Variants in GYS2 observed in about 807,000 individuals in gnomAD.
GYS2 encodes the protein glycogen [starch] synthase, liver.
GYS2 carries 80 observed loss-of-function variants against 85.6 expected under a neutral mutation model. That is an observed-to-expected ratio of 0.93 (90% CI 0.78 to 1.13). The LOEUF (loss-of-function observed/expected upper bound fraction) is 1.13. Ranked by LOEUF, GYS2 falls within the 50% of genes most tolerant of loss-of-function variation. The pLI, the probability that GYS2 is intolerant of heterozygous loss-of-function variation, is 0.00. For synonymous variants in GYS2, 328 were observed against 300.7 expected (o/e 1.09, Z -0.94); for missense variants, 881 against 854.9 (o/e 1.03, Z -0.38).
At chr12:21,589,902 C>T (rs886204545) in intron 1 of GYS2, among the ~76,000 whole-genome samples, 1 of 152,136 alleles carries the variant, frequency 6.6e-6, no homozygotes, top group Non-Finnish European at 1.5e-5. Flanking sequence ...GTTCCTCAGA[C>T]CCCAACATCA....
chr12:21,604,588 A>G lies in GYS2; in HGVS notation c.5T>C (p.Leu2Pro). Reference protein sequence around the residue: MLRGRSLSVTSL... With the variant: MPRGRSLSVTSL... Reference sequence around the variant, plus strand: ...TGTTACAGAGAGGGATCGGCCTCGAAGCATTCTTCTTACAGTCCTCCGAGA... The same window carrying G: ...TGTTACAGAGAGGGATCGGCCTCGAGGCATTCTTCTTACAGTCCTCCGAGA... Residue 2 changes from leucine to proline, a missense_variant, in exon 1 of 16, where the codon CTT (leucine) becomes CCT (proline). Physicochemically the swap from Leu to Pro is moderately conservative, Grantham distance 98. Coordinates refer to ENST00000261195, the MANE Select transcript of GYS2 (RefSeq NM_021957.4). The G allele has an allele frequency of 6.2e-7, 1 of 1,612,644 alleles. No individual in the cohort carries two copies. The highest frequency in any genetic ancestry group is 1.3e-5 in the African/African-American group (1 of 74,996).
chr12:21,565,222 A>G, intron 5 of GYS2, among the ~76,000 whole-genome samples: 1 of 151,574 alleles, frequency 6.6e-6, no homozygotes. Context: ...TTTAACAAAG[A>G]GTACTCCAGG....
In GYS2 at chr12:21,541,291, AC is replaced by A. The variant is rs1334431437; in HGVS notation, c.1646-719del. 3.0e-3 allele frequency among the ~76,000 whole-genome samples: 407 copies of A among 135,246 alleles called. 44 individuals are homozygous for A. Among genetic ancestry groups the A allele is most frequent in the Non-Finnish European group, 5.0e-3 (314 of 62,446 alleles). The allele number at this position is 135,246 out of a possible 152,430, so 88.7% of individuals were successfully genotyped here. A position where few individuals can be genotyped will look rare whatever the true frequency, so the allele number is the denominator to read the frequency against. On this transcript the variant is annotated intron_variant, in intron 13 of 15. Transcript: ENST00000261195. ...TCCAAAAAAAAAAAAAAAAAAAAAAACAAAAAACCCAGGGAAATGGCAATGT... is the reference window on the plus strand; with the variant it reads ...TCCAAAAAAAAAAAAAAAAAAAAAAAAAAAAACCCAGGGAAATGGCAATGT...
intron 2 of GYS2, among the ~76,000 whole-genome samples, chr12:21,576,844 A>T (rs10770838): frequency 0.44 from 66,399 of 151,844 alleles, 15,052 homozygotes; most frequent in Middle Eastern, 0.59. Flanking sequence ...CTTAATTTTC[A>T]TTTTATGTTT....
chr12:21,571,596 T>C (rs1944385807), intron 4 of GYS2, among the ~76,000 whole-genome samples: 1 of 152,108 alleles, frequency 6.6e-6, no homozygotes, highest in Non-Finnish European at 1.5e-5. Flanking sequence ...TAATTGTCCA[T>C]GGCTTCCTTC....
At chr12:21,539,005 C>A (rs528983771) in intron 15 of GYS2, among the ~76,000 whole-genome samples, 1 of 152,054 alleles carries the variant, frequency 6.6e-6, no homozygotes, top group East Asian at 1.9e-4. Context: ...GAATAAATGT[C>A]CATCAGAACC....
intron 11 of GYS2, among the ~76,000 whole-genome samples, chr12:21,557,046 G>GA (rs1944188645): frequency 6.6e-6 from 1 of 152,124 alleles, no homozygotes; most frequent in Non-Finnish European, 1.5e-5. Context: ...GAACCTGAAG[G>GA]AAAAAATGTA....
At chr12:21,570,086 T>C (rs972236979) in intron 4 of GYS2, among the ~76,000 whole-genome samples, 1 of 152,058 alleles carries the variant, frequency 6.6e-6, no homozygotes, top group African/African-American at 2.4e-5. Context: ...TAGAGAAAAA[T>C]ACTAAAAAGA....
chr12:21,573,166 C>T (rs909736475), intron 4 of GYS2, among the ~76,000 whole-genome samples: 2 of 152,144 alleles, frequency 1.3e-5, no homozygotes, highest in African/African-American at 4.8e-5. Context: ...AACGTTCTTG[C>T]GCTCTAAGTG....
At chr12:21,579,349 CTTTT>C (rs58750123) in intron 2 of GYS2, among the ~76,000 whole-genome samples, 7 of 88,682 alleles carry the variant, frequency 7.9e-5, no homozygotes, top group Admixed American at 2.6e-4. Context: ...CTTACTTCTT[CTTTT>C]TTTTTTTTTT....
At position 21,563,219 on chromosome 12, in the gene GYS2, A is replaced by C. The variant is rs2136882887; in HGVS notation, c.941+9T>G. 6.6e-7 allele frequency: 1 copy of C among 1,504,962 alleles called. No individual in the cohort carries two copies. The highest frequency in any genetic ancestry group is 1.7e-4 in the Middle Eastern group (1 of 5,846). 93.2% of individuals were successfully genotyped at this position (1,504,962 alleles called of 1,614,324 possible). A position where few individuals can be genotyped will look rare whatever the true frequency, so the allele number is the denominator to read the frequency against. On this transcript the variant is annotated intron_variant, in intron 6 of 15. Transcript: ENST00000261195. The stretch of plus-strand genomic sequence containing the variant: ...TACTTCTTTTTCTTTTTAATAAAGA[A>C]AATCATACCCATAGAAATGACCTCG...
At chr12:21,558,990 G>T (rs1192586260) in intron 10 of GYS2, 101 bp downstream of exon 10, 1 of 693,922 alleles carries the variant, frequency 1.4e-6, no homozygotes, top group Non-Finnish European at 2.5e-6. Context: ...CTAGCCTCAG[G>T]TCTGAAAATG....
Position 21,569,089 on chromosome 12 carries a change from A to G in GYS2, c.679-80T>C, listed in dbSNP as rs541077210. The stretch of plus-strand genomic sequence containing the variant: ...GCTAAACAAAATCACACATTTCACC[A>G]AGTGGCTTACCTCAAGGCTGTGTAA... On this transcript the variant is annotated intron_variant, in intron 4 of 15. Coordinates refer to ENST00000261195, the MANE Select transcript of GYS2 (RefSeq NM_021957.4). The G allele has an allele frequency of 4.1e-6, 6 of 1,447,594 alleles. No homozygotes were observed. In the African/African-American group the frequency reaches 5.6e-5, roughly 13 times the overall value. The allele number at this position is 1,447,594 out of a possible 1,614,324, so 89.7% of individuals were successfully genotyped here. A position where few individuals can be genotyped will look rare whatever the true frequency, so the allele number is the denominator to read the frequency against.
chr12:21,587,680 T>G (rs906354404), intron 1 of GYS2, among the ~76,000 whole-genome samples: 1 of 152,060 alleles, frequency 6.6e-6, no homozygotes, highest in African/African-American at 2.4e-5. Context: ...ATAAGCAGCA[T>G]GATAACGAAC....
chr12:21,580,255 G>T, intron 2 of GYS2, 87 bp downstream of exon 2: 1 of 1,171,716 alleles, frequency 8.5e-7, no homozygotes, highest in African/African-American at 1.5e-5. Context: ...GTAAGTGAAT[G>T]GTCTTCTCTT....
intron 1 of GYS2, among the ~76,000 whole-genome samples, chr12:21,595,279 G>A (rs780461709): frequency 6.6e-6 from 1 of 152,182 alleles, no homozygotes; most frequent in African/African-American, 2.4e-5. Flanking sequence ...AGGACCCACA[G>A]ACCCTCTGAA....
At chr12:21,597,470 T>C (rs1429016792) in intron 1 of GYS2, among the ~76,000 whole-genome samples, 1 of 152,028 alleles carries the variant, frequency 6.6e-6, no homozygotes, top group Non-Finnish European at 1.5e-5. Context: ...ATCAGAGAAA[T>C]GCAAATCAAA....
At chr12:21,597,357 G>A (rs1944708056) in intron 1 of GYS2, among the ~76,000 whole-genome samples, 1 of 151,640 alleles carries the variant, frequency 6.6e-6, no homozygotes, top group Non-Finnish European at 1.5e-5. Context: ...ACTCAACAGT[G>A]GAAAAACAAA....
chr12:21,566,485 C>G (rs1047363426), intron 5 of GYS2, among the ~76,000 whole-genome samples: 5 of 152,064 alleles, frequency 3.3e-5, no homozygotes, highest in Non-Finnish European at 7.4e-5. Context: ...GATTCTACTG[C>G]AAGTCTGAAG....
Sources: allele counts gnomAD v4.1 joint callset (sites outside exome capture counted in the v4.1 genomes callset), GRCh38; gene constraint gnomAD v4.1.1; transcripts MANE v1.5; gene names NCBI Gene and HGNC (gene_info 2026-07-23, HGNC 2026-07-21).